KIF15: variants seen among roughly 807,000 people sequenced by gnomAD.
KIF15 encodes kinesin family member 15.
KIF15 carries 140 observed loss-of-function variants against 190.6 expected under a neutral mutation model. That is an observed-to-expected ratio of 0.73 (90% CI 0.64 to 0.84). The LOEUF is 0.84. KIF15 is among the 40% of genes least tolerant of loss of function. KIF15 has a pLI of 0.00. For synonymous variants in KIF15, 528 were observed against 551.3 expected (o/e 0.96, Z 0.59); for missense variants, 1,372 against 1,584.4 (o/e 0.87, Z 2.28).
At chr3:44,786,244 A>AT (rs1293594470) in intron 6 of KIF15, 151 bp from the exon 7 acceptor site, 20 of 519,996 alleles carry the variant, frequency 3.8e-5, no homozygotes, top group South Asian at 2.0e-4. Context: ...ATTTATCTAG[A>AT]TTTTTTTTAC....
intron 24 of KIF15, 123 bp from the exon 25 acceptor site, chr3:44,829,848 C>T (rs897864639): frequency 2.6e-5 from 6 of 228,830 alleles, no homozygotes; most frequent in Admixed American, 5.9e-5. Context: ...ATGTGACATA[C>T]GATCTTTTAC....
intron 19 of KIF15, among the ~76,000 whole-genome samples, 181 bp from the exon 20 acceptor site, chr3:44,814,730 G>A (rs928580559): frequency 6.6e-5 from 10 of 152,174 alleles, no homozygotes; most frequent in African/African-American, 2.4e-4. Context: ...AAAACCATGT[G>A]CAAGGGAGAG....
chr3:44,834,273 A>C (rs1484661146), intron 26 of KIF15, among the ~76,000 whole-genome samples: 1 of 152,202 alleles, frequency 6.6e-6, no homozygotes, highest in East Asian at 1.9e-4. Flanking sequence ...GTTTTTCAAC[A>C]ATATGAGTAC....
chr3:44,778,256 A>ATTTGTTACAACAG, intron 4 of KIF15, 65 bp downstream of exon 4: 1 of 1,221,568 alleles, frequency 8.2e-7, no homozygotes. Context: ...TGCTGTTGTA[A>ATTTGTTACAACAG]CAAATTACCA....
chr3:44,851,741 A>G (rs1480563405), intron 32 of KIF15, 46 bp from the exon 33 acceptor site: 12 of 1,501,764 alleles, frequency 8.0e-6, no homozygotes, highest in Non-Finnish European at 1.0e-5. Context: ...CTGTTTTATG[A>G]TTATGTTTCT....
At chr3:44,835,303 G>A (rs960757561) in intron 26 of KIF15, among the ~76,000 whole-genome samples, 6 of 152,014 alleles carry the variant, frequency 3.9e-5, no homozygotes, top group Non-Finnish European at 2.9e-5. Context: ...GTAGTAATGC[G>A]ATCATGGCTC....
chr3:44,766,592 A>G (rs1705387306), intron 1 of KIF15, among the ~76,000 whole-genome samples: 1 of 152,102 alleles, frequency 6.6e-6, no homozygotes, highest in South Asian at 2.1e-4. Context: ...TGCAATTAGG[A>G]GCTGGAGGGA....
chr3:44,815,005 G>A lies in KIF15; in HGVS notation c.2478G>A (p.Thr826=), dbSNP rs1031873094. 3 of 1,612,666 alleles carry A rather than the reference G, an allele frequency of 1.9e-6. No homozygotes were observed. The highest frequency in any genetic ancestry group is 2.5e-6 in the Non-Finnish European group (3 of 1,179,492). ...AATTGGAATATAGTTCATTCAAAACGAATCAGGAGAAAGAATTCAACAAAC... is the reference window on the plus strand; with the variant it reads ...AATTGGAATATAGTTCATTCAAAACAAATCAGGAGAAAGAATTCAACAAAC... The part of the protein sequence containing the change: ...SVKLEYSSFK[T]NQEKEFNKLS... The change falls in exon 20 of 35, where the codon ACG becomes ACA. Residue 826 remains threonine (T), a synonymous_variant. Transcript: ENST00000326047.
intron 7 of KIF15, among the ~76,000 whole-genome samples, chr3:44,787,304 C>G (rs1379139946): frequency 6.6e-6 from 1 of 152,180 alleles, no homozygotes; most frequent in Non-Finnish European, 1.5e-5. Context: ...ATGTCATTAT[C>G]ATTTTCTTCC....
intron 30 of KIF15, among the ~76,000 whole-genome samples, chr3:44,843,631 A>C (rs146152573): frequency 0.011 from 1,605 of 152,320 alleles, 19 homozygotes; most frequent in Middle Eastern, 0.027. Context: ...TGGGCAGGAC[A>C]AGAAGGATAT....
At chr3:44,846,298 TA>T (rs1224930761) in intron 30 of KIF15, among the ~76,000 whole-genome samples, 1 of 152,176 alleles carries the variant, frequency 6.6e-6, no homozygotes, top group African/African-American at 2.4e-5. Flanking sequence ...GGTGTATGGG[TA>T]AAAAACTCAA....
chr3:44,853,560 C>G (rs1402174166), downstream of KIF15, among the ~76,000 whole-genome samples: 1 of 152,216 alleles, frequency 6.6e-6, no homozygotes, highest in Non-Finnish European at 1.5e-5. Flanking sequence ...CTCTTGAGCA[C>G]ATGCCTAGGA....
At chr3:44,771,870 T>C (rs2125899122) in intron 1 of KIF15, among the ~76,000 whole-genome samples, 1 of 152,230 alleles carries the variant, frequency 6.6e-6, no homozygotes, top group East Asian at 1.9e-4. Flanking sequence ...ACTACTTGTT[T>C]ACACATTTAG....
chr3:44,813,449 G>T (rs920620926), intron 19 of KIF15, among the ~76,000 whole-genome samples: 1 of 151,992 alleles, frequency 6.6e-6, no homozygotes, highest in Admixed American at 6.6e-5. Context: ...ACAGACTCTC[G>T]CTTTGTCACC....
intron 18 of KIF15, 71 bp from the exon 19 acceptor site, chr3:44,813,004 G>A (rs1707864139): frequency 4.4e-6 from 4 of 911,802 alleles, no homozygotes; most frequent in African/African-American, 3.5e-5. Flanking sequence ...AAAAGAAACA[G>A]GTTAATGATT....
At chr3:44,787,529 C>A (rs944437696) in intron 7 of KIF15, among the ~76,000 whole-genome samples, 3 of 151,972 alleles carry the variant, frequency 2.0e-5, no homozygotes, top group Non-Finnish European at 4.4e-5. Flanking sequence ...AATTGAGACT[C>A]CCCCCGGCGA....
rs372711584 is a variant in KIF15 at position 44,860,775 on chromosome 3, T to A, written c.*59+7981T>A. ...TGCTAAACAGAAGATACAAAAAGAA[T>A]GCTGCTAAACAGTATGTTCAACTGT... is the stretch of plus-strand genomic sequence containing the variant. On this transcript the variant is annotated intron_variant and NMD_transcript_variant, in intron 6 of 6. Transcript: ENST00000422209. Among the ~76,000 whole-genome samples the A allele has an allele frequency of 4.4e-4, 67 of 152,314 alleles. 2 individuals carry two copies. In the South Asian group the frequency reaches 0.014, roughly 31 times the overall value.
chr3:44,864,464 G>A, intron 6 of KIF15: 1 of 1,247,840 alleles, frequency 8.0e-7, no homozygotes, highest in Middle Eastern at 2.2e-4. Context: ...AGGTTGGGCT[G>A]TGGCTTGACC....
Position 44,761,895 on chromosome 3 carries a change from G to A in KIF15, c.19+11G>A. 3.7e-6 allele frequency: 6 copies of A among 1,614,172 alleles called. No individual in the cohort carries two copies. The highest frequency in any genetic ancestry group is 5.1e-6 in the Non-Finnish European group (6 of 1,180,028). On this transcript the variant is annotated intron_variant, in intron 1 of 34. Coordinates refer to ENST00000326047, the MANE Select transcript of KIF15 (RefSeq NM_020242.3). ...CACCCGGCTGCAAAAGTAAGTCTGG[G>A]CCCCCGGCTTCGTTACCCTATTTTT...
Sources: gnomAD v4.1 joint callset for allele counts (sites outside exome capture counted in the v4.1 genomes callset) on GRCh38, gnomAD v4.1.1 for gene constraint, MANE v1.5 for transcripts, NCBI Gene and HGNC (gene_info 2026-07-23, HGNC 2026-07-21) for gene names.